The following FMNL3 variants were observed in gnomAD, a reference collection of about 807,000 sequenced individuals.
FMNL3 encodes formin-like protein 3.
Under a neutral mutation model 119.6 loss-of-function variants are expected in FMNL3, and 57 were observed. The ratio of observed to expected loss-of-function variants is 0.48; its 90% CI spans 0.39 to 0.59. FMNL3 has a LOEUF of 0.59. Among genes scored for constraint, FMNL3 ranks in the 20% least tolerant of loss-of-function variants. The pLI, the probability that FMNL3 is intolerant of heterozygous loss-of-function variation, is 0.00. For missense variants in FMNL3, 1,053 were observed against 1,323.5 expected, an observed-to-expected ratio of 0.80 and a Z score of 3.17; for synonymous variants, 491 against 507.3, an observed-to-expected ratio of 0.97 and a Z score of 0.43.
rs796836276 is a variant in FMNL3, at chr12:49,640,342, G to C, written c.*5473C>G. ...AGATGAAGGATGAGATTGCGAGGGAGTACAGATTGGGTAGTGAAAGAGGAC... is the reference window on the plus strand; with the variant it reads ...AGATGAAGGATGAGATTGCGAGGGACTACAGATTGGGTAGTGAAAGAGGAC... On this transcript the variant is annotated 3_prime_UTR_variant, in exon 26 of 26. Coordinates refer to ENST00000335154, the MANE Select transcript of FMNL3 (RefSeq NM_175736.5). 26 of 152,388 alleles carry C rather than the reference G, an allele frequency of 1.7e-4. No homozygotes were observed. Among genetic ancestry groups the C allele is most frequent in the African/African-American group, 6.3e-4 (26 of 41,580 alleles). 9.4% of individuals were successfully genotyped at this position (152,388 alleles called of 1,614,324 possible).
In FMNL3 at chr12:49,666,217, A is replaced by C; in HGVS notation, c.211-10T>G. ...TCACCTGGAATCGTTCCTGTAAGGGAAACATGCATATGCGTATCCACAAAG... is the reference window on the plus strand; with the variant it reads ...TCACCTGGAATCGTTCCTGTAAGGGCAACATGCATATGCGTATCCACAAAG... On this transcript the variant is annotated splice_polypyrimidine_tract_variant and intron_variant, in intron 2 of 25. Transcript: ENST00000335154. The C allele has an allele frequency of 1.3e-5, 21 of 1,611,958 alleles. No individual in the cohort carries two copies. The highest frequency in any genetic ancestry group is 1.8e-5 in the Non-Finnish European group (21 of 1,178,640).
In FMNL3 at chr12:49,658,471, G is replaced by A. The variant is rs183245861; in HGVS notation, c.576C>T (p.Leu192=). ...GCACAGACTGGCGCGCAGAGCGAGC[G>A]AGGCTGTTGGTGAAGGGGGCCGACA... ...SALSAPFTNS[L]ARSARQSVLR... is the part of the protein sequence containing the mutation. Residue 192 remains leucine, a synonymous_variant, in exon 6 of 26, where the codon CTC becomes CTT. Coordinates refer to ENST00000335154, the MANE Select transcript of FMNL3 (RefSeq NM_175736.5). The A allele has an allele frequency of 2.7e-5, 44 of 1,612,236 alleles. No homozygotes were observed. The highest frequency in any genetic ancestry group is 2.2e-4 in the South Asian group (20 of 90,874).
chr12:49,700,735 A>G lies in FMNL3; in HGVS notation c.126+6320T>C, dbSNP rs1418079530. Among the ~76,000 whole-genome samples the G allele has an allele frequency of 6.8e-5, 9 of 131,732 alleles. No homozygotes were observed. The East Asian group carries it at 1.4e-3, about 21-fold the overall frequency. The allele number at this position is 131,732 out of a possible 152,430, so 86.4% of individuals were successfully genotyped here. The stretch of plus-strand genomic sequence containing the variant: ...ACCTCAAAAAAAAAAAAAAAAAAAA[A>G]GGCAACATAAGGCAGTGATAAAATA... On this transcript the variant is annotated intron_variant, in intron 1 of 25. Coordinates refer to ENST00000335154, the MANE Select transcript of FMNL3 (RefSeq NM_175736.5).
intron 1 of FMNL3, among the ~76,000 whole-genome samples, chr12:49,679,713 G>C (rs1390111224): frequency 6.6e-6 from 1 of 151,754 alleles, no homozygotes; most frequent in African/African-American, 2.4e-5. Flanking sequence ...GTAGAGACAG[G>C]TTTCACCACG....
intron 1 of FMNL3, among the ~76,000 whole-genome samples, chr12:49,674,934 A>G (rs943016929): frequency 6.6e-6 from 1 of 152,236 alleles, no homozygotes; most frequent in Non-Finnish European, 1.5e-5. Context: ...GAGAGGTCCT[A>G]AAAGGCCAGC....
In FMNL3 at chr12:49,644,321, C is replaced by A; in HGVS notation, c.*1494G>T. On this transcript the variant is annotated 3_prime_UTR_variant, in exon 26 of 26. Coordinates refer to ENST00000335154, the MANE Select transcript of FMNL3 (RefSeq NM_175736.5). ...TTTTCTAAAGTAACCCCACCCCCAG[C>A]ACACCATTGTTGGCACCTCTCAAGG... 2.9e-6 allele frequency: 3 copies of A among 1,042,712 alleles called. No individual in the cohort carries two copies. The highest frequency in any genetic ancestry group is 1.5e-5 in the South Asian group (1 of 68,886). 64.6% of individuals were successfully genotyped at this position (1,042,712 alleles called of 1,614,324 possible). A position where few individuals can be genotyped will look rare whatever the true frequency, so the allele number is the denominator to read the frequency against.
chr12:49,680,004 T>C (rs909600718), intron 1 of FMNL3, among the ~76,000 whole-genome samples: 1 of 152,252 alleles, frequency 6.6e-6, no homozygotes, highest in Non-Finnish European at 1.5e-5. Context: ...CTCATATTGT[T>C]ATTCATTTTT....
In FMNL3 at chr12:49,643,903, A is replaced by G. The variant is rs1342331132; in HGVS notation, c.*1912T>C. 1 of 1,614,096 alleles carries G rather than the reference A, an allele frequency of 6.2e-7. No individual in the cohort carries two copies. The highest frequency in any genetic ancestry group is 1.7e-5 in the Admixed American group (1 of 60,008). On this transcript the variant is annotated 3_prime_UTR_variant, in exon 26 of 26. Transcript: ENST00000335154. ...GACAGACCCTGAGGAGAAAGCTGGC[A>G]AGGAGAGCGATGAGAAAGAACAAGA...
Position 49,636,973 on chromosome 12 carries a change from C to G in FMNL3, c.*8842G>C. On this transcript the variant is annotated 3_prime_UTR_variant, in exon 26 of 26. Coordinates refer to ENST00000335154, the MANE Select transcript of FMNL3 (RefSeq NM_175736.5). Reference sequence around the variant, plus strand: ...TTCTGTGCCTAGCCCTGTCCAAGCTCTATGAGACCTCTCTCTGCCTGCAGT... The same window carrying G: ...TTCTGTGCCTAGCCCTGTCCAAGCTGTATGAGACCTCTCTCTGCCTGCAGT... 2 of 1,386,130 alleles carry G rather than the reference C, an allele frequency of 1.4e-6. No homozygotes were observed. Among genetic ancestry groups the G allele is most frequent in the Admixed American group, 2.0e-5 (1 of 49,980 alleles). The allele number at this position is 1,386,130 out of a possible 1,614,324, so 85.9% of individuals were successfully genotyped here. A position where few individuals can be genotyped will look rare whatever the true frequency, so the allele number is the denominator to read the frequency against.
At chr12:49,687,452 G>C (rs563638040) in intron 1 of FMNL3, among the ~76,000 whole-genome samples, 8 of 151,452 alleles carry the variant, frequency 5.3e-5, no homozygotes, top group African/African-American at 1.9e-4. Flanking sequence ...CCGAAAGTCA[G>C]GGGATCCTCC....
chr12:49,705,291 C>T (rs1444673557), intron 1 of FMNL3, among the ~76,000 whole-genome samples: 1 of 152,154 alleles, frequency 6.6e-6, no homozygotes, highest in East Asian at 1.9e-4. Flanking sequence ...CCCATTTGAC[C>T]TGGGTTCTCC....
At position 49,645,943 on chromosome 12, in the gene FMNL3, G is replaced by T. The variant is rs778407646; in HGVS notation, c.2996-40C>A. Reference sequence around the variant, plus strand: ...AGAGACCTGTGAACAGGATGGGAGGGTGAGCCAGGACAGTGCCCTCAAGAG... The same window carrying T: ...AGAGACCTGTGAACAGGATGGGAGGTTGAGCCAGGACAGTGCCCTCAAGAG... On this transcript the variant is annotated intron_variant, in intron 25 of 25. Transcript: ENST00000335154. 2.5e-6 allele frequency: 4 copies of T among 1,582,174 alleles called. 1 individual carries two copies. In the South Asian group the frequency reaches 4.5e-5, roughly 18 times the overall value.
At chr12:49,663,776 C>T (rs1207866209) in intron 4 of FMNL3, among the ~76,000 whole-genome samples, 1 of 152,250 alleles carries the variant, frequency 6.6e-6, no homozygotes, top group African/African-American at 2.4e-5. Flanking sequence ...TCATAAACTG[C>T]TCTGTGGCCT....
intron 14 of FMNL3, among the ~76,000 whole-genome samples, 187 bp downstream of exon 14, chr12:49,651,746 G>A (rs892552336): frequency 6.6e-6 from 1 of 152,202 alleles, no homozygotes; most frequent in Admixed American, 6.5e-5. Flanking sequence ...CTGCCTTTGG[G>A]CATCCCTGTG....
Position 49,650,891 on chromosome 12 carries a change from G to A in FMNL3, c.1798-13C>T. The A allele has an allele frequency of 6.2e-7, 1 of 1,613,978 alleles. No individual in the cohort carries two copies. ...CAAGATCCAGGTCCTGGCAGGAATA[G>A]GTGAGCAAGGAAAACGCTGTAGCCT... On this transcript the variant is annotated splice_polypyrimidine_tract_variant and intron_variant, in intron 16 of 25. Transcript: ENST00000335154.
chr12:49,696,957 G>A (rs759399930), intron 1 of FMNL3, among the ~76,000 whole-genome samples: 5 of 152,084 alleles, frequency 3.3e-5, no homozygotes, highest in Non-Finnish European at 5.9e-5. Context: ...TGGCAGCCAG[G>A]GCTTCCTCAG....
chr12:49,673,658 G>C (rs896880039), intron 1 of FMNL3, among the ~76,000 whole-genome samples: 2 of 152,270 alleles, frequency 1.3e-5, no homozygotes, highest in Non-Finnish European at 2.9e-5. Context: ...AGCCAGTCCT[G>C]CCGCAGTAGC....
intron 2 of FMNL3, among the ~76,000 whole-genome samples, chr12:49,668,004 T>C (rs1220852235): frequency 2.0e-5 from 3 of 152,218 alleles, no homozygotes; most frequent in African/African-American, 7.2e-5. Context: ...CTCAACACTG[T>C]TCATGCAGAG....
intron 13 of FMNL3, 24 bp downstream of exon 13, chr12:49,653,202 C>A: frequency 6.2e-7 from 1 of 1,607,946 alleles, no homozygotes. Flanking sequence ...CAGTCAGGGA[C>A]TGCCTTCCCC....
Sources: gnomAD v4.1 joint callset for allele counts (sites outside exome capture counted in the v4.1 genomes callset) on GRCh38, gnomAD v4.1.1 for gene constraint, MANE v1.5 for transcripts, NCBI Gene and HGNC (gene_info 2026-07-23, HGNC 2026-07-21) for gene names.